HEATR5B: variants seen among roughly 807,000 people sequenced by gnomAD.
HEATR5B encodes the protein HEAT repeat containing 5B, also known as HEAT repeat-containing protein 5B.
HEATR5B carries 156 observed loss-of-function variants against 224.1 expected under a neutral mutation model. That is an observed-to-expected ratio of 0.70 (90% CI 0.61 to 0.80). The LOEUF (loss-of-function observed/expected upper bound fraction) is 0.80, where lower values mean the gene tolerates loss of function less well. HEATR5B is among the 30% of genes least tolerant of loss of function. The pLI, the probability that HEATR5B is intolerant of heterozygous loss-of-function variation, is 0.00. For missense variants in HEATR5B, 2,323 were observed against 2,535.5 expected (o/e 0.92, Z 1.80); for synonymous variants, 1,027 against 893.0 (o/e 1.15, Z -2.68).
At chr2:37,037,220 A>G (rs1391625211) in intron 21 of HEATR5B, among the ~76,000 whole-genome samples, 1 of 145,160 alleles carries the variant, frequency 6.9e-6, no homozygotes, top group Non-Finnish European at 1.5e-5. Context: ...ATCTCGGCTC[A>G]CTGCAACCTC....
intron 7 of HEATR5B, among the ~76,000 whole-genome samples, chr2:37,069,522 T>C (rs1029278222): frequency 2.0e-5 from 3 of 152,208 alleles, no homozygotes; most frequent in Non-Finnish European, 4.4e-5. Flanking sequence ...GATTAAACAC[T>C]GATAGAAAAT....
At position 37,059,462 on chromosome 2, in the gene HEATR5B, A is replaced by ATT. The variant is rs1287761202; in HGVS notation, c.1850-476_1850-475insAA. On this transcript the variant is annotated intron_variant, in intron 12 of 35. Transcript: ENST00000233099. ...TGTGTGTGTGTATATATATATATATATATTTTTTTTTTTTTTTTTTTGAGA... is the reference window on the plus strand; with the variant it reads ...TGTGTGTGTGTATATATATATATATATTTATTTTTTTTTTTTTTTTTTTGAGA... 3.1e-3 allele frequency among the ~76,000 whole-genome samples: 289 copies of ATT among 93,882 alleles called. 20 individuals are homozygous for ATT. Among genetic ancestry groups the ATT allele is most frequent in the Admixed American group, 6.7e-3 (49 of 7,350 alleles). 61.6% of individuals were successfully genotyped at this position (93,882 alleles called of 152,430 possible). A position where few individuals can be genotyped will look rare whatever the true frequency, so the allele number is the denominator to read the frequency against.
intron 33 of HEATR5B, among the ~76,000 whole-genome samples, chr2:36,993,770 A>G (rs1480958066): frequency 2.0e-5 from 3 of 152,180 alleles, no homozygotes; most frequent in Admixed American, 6.5e-5. Context: ...GTGCTAAGAT[A>G]TAACATTACT....
In HEATR5B at chr2:37,024,832, T is replaced by G. The variant is rs183667403; in HGVS notation, c.3853+3091A>C. 3.3e-5 allele frequency among the ~76,000 whole-genome samples: 5 copies of G among 152,302 alleles called. No individual in the cohort carries two copies. The East Asian group carries it at 9.6e-4, about 29-fold the overall frequency. On this transcript the variant is annotated intron_variant, in intron 24 of 35. Coordinates refer to ENST00000233099, the MANE Select transcript of HEATR5B (RefSeq NM_019024.3). Reference sequence around the variant, plus strand: ...TGTTTCTGGAACGAGAGCGCCACTTTCCCCAACAACCAGAGTGCTGCTGCT... The same window carrying G: ...TGTTTCTGGAACGAGAGCGCCACTTGCCCCAACAACCAGAGTGCTGCTGCT...
At chr2:36,998,449 G>C (rs1354856369) in intron 33 of HEATR5B, among the ~76,000 whole-genome samples, 5 of 152,210 alleles carry the variant, frequency 3.3e-5, no homozygotes, top group Admixed American at 3.3e-4. Context: ...CTGCTGGTGA[G>C]AGCGTAAATT....
rs562802710 is a variant in HEATR5B, at chr2:37,027,897, G to C, written c.3853+26C>G. ...GTCTCAAGGTGTAAAAATGCTTTGG[G>C]GAAAAAGTACTGATTTTAAATTTAC... On this transcript the variant is annotated intron_variant, in intron 24 of 35. Coordinates refer to ENST00000233099, the MANE Select transcript of HEATR5B (RefSeq NM_019024.3). 22 of 1,605,640 alleles carry C rather than the reference G, an allele frequency of 1.4e-5. No individual in the cohort carries two copies. The South Asian group carries it at 2.3e-4, about 17-fold the overall frequency.
chr2:37,034,993 C>G (rs926014358), intron 21 of HEATR5B, among the ~76,000 whole-genome samples: 3 of 152,206 alleles, frequency 2.0e-5, no homozygotes, highest in African/African-American at 7.2e-5. Flanking sequence ...CTTGAAGTTT[C>G]TGCCTTTTTA....
chr2:37,063,664 A>C (rs1357693197), intron 10 of HEATR5B, among the ~76,000 whole-genome samples: 1 of 152,198 alleles, frequency 6.6e-6, no homozygotes, highest in African/African-American at 2.4e-5. Flanking sequence ...TGTCCCAGAA[A>C]AAAAATCAAA....
intron 5 of HEATR5B, among the ~76,000 whole-genome samples, chr2:37,073,512 G>T (rs940233225): frequency 6.6e-6 from 1 of 152,102 alleles, no homozygotes; most frequent in African/African-American, 2.4e-5. Flanking sequence ...CCAAAGTGCT[G>T]GGATTACAGG....
chr2:37,062,920 T>C (rs936888461), intron 10 of HEATR5B, among the ~76,000 whole-genome samples: 11 of 152,202 alleles, frequency 7.2e-5, no homozygotes, highest in Middle Eastern at 3.2e-3. Flanking sequence ...CCTGAGTAGG[T>C]AGGACTACAA....
At chr2:37,070,863 C>A (rs1214447057) in intron 6 of HEATR5B, among the ~76,000 whole-genome samples, 1 of 152,198 alleles carries the variant, frequency 6.6e-6, no homozygotes, top group African/African-American at 2.4e-5. Context: ...CATATAGTAG[C>A]AAATGCAATC....
chr2:37,082,539 A>G (rs149078094), intron 2 of HEATR5B, among the ~76,000 whole-genome samples: 1 of 152,338 alleles, frequency 6.6e-6, no homozygotes, highest in African/African-American at 2.4e-5. Context: ...GGCAAGGAAC[A>G]CCTGGCCTGA....
chr2:36,991,486 A>C lies in HEATR5B; in HGVS notation c.5546-687T>G, dbSNP rs546385978. Among the ~76,000 whole-genome samples, 9 of 138,898 alleles carry C rather than the reference A, an allele frequency of 6.5e-5. No homozygotes were observed. The South Asian group carries it at 2.1e-3, about 33-fold the overall frequency. The allele number at this position is 138,898 out of a possible 152,430, so 91.1% of individuals were successfully genotyped here. A position where few individuals can be genotyped will look rare whatever the true frequency, so the allele number is the denominator to read the frequency against. On this transcript the variant is annotated intron_variant, in intron 33 of 35. Transcript: ENST00000233099. ...CTCCAGCCTGGGCAACAAAAGCGAA[A>C]CTCTGTCTCAAAAAAAAAAAAAAAA...
At chr2:37,062,548 G>C (rs2148564516) in intron 10 of HEATR5B, among the ~76,000 whole-genome samples, 1 of 152,328 alleles carries the variant, frequency 6.6e-6, no homozygotes, top group Admixed American at 6.5e-5. Flanking sequence ...CAGTGTAGTA[G>C]TTAAGGACAA....
chr2:37,067,928 C>T (rs1671682690), intron 8 of HEATR5B, among the ~76,000 whole-genome samples: 2 of 151,914 alleles, frequency 1.3e-5, no homozygotes, highest in Admixed American at 1.3e-4. Flanking sequence ...TTCATTAAAT[C>T]CTTATTTCAA....
chr2:37,029,141 G>A (rs1425389828), intron 22 of HEATR5B, among the ~76,000 whole-genome samples: 2 of 152,124 alleles, frequency 1.3e-5, no homozygotes, highest in African/African-American at 2.4e-5. Context: ...ATTATTCTGA[G>A]ATATTGTAAA....
At chr2:37,049,147 T>G (rs1409036462) in intron 18 of HEATR5B, among the ~76,000 whole-genome samples, 3 of 152,198 alleles carry the variant, frequency 2.0e-5, no homozygotes, top group Non-Finnish European at 4.4e-5. Context: ...TGATACTTAT[T>G]TGGGTCTCTG....
intron 27 of HEATR5B, among the ~76,000 whole-genome samples, chr2:37,012,695 C>T (rs766060202): frequency 5.3e-5 from 8 of 152,160 alleles, no homozygotes; most frequent in South Asian, 4.1e-4. Context: ...TGGCCTAGGG[C>T]GCAGTTTTAG....
At chr2:37,029,822 C>T (rs910368920) in intron 22 of HEATR5B, among the ~76,000 whole-genome samples, 1 of 151,742 alleles carries the variant, frequency 6.6e-6, no homozygotes, top group Admixed American at 6.6e-5. Context: ...GCCTGTAATT[C>T]GAGCCACTCG....
Sources: allele counts gnomAD v4.1 joint callset (sites outside exome capture counted in the v4.1 genomes callset), GRCh38; gene constraint gnomAD v4.1.1; transcripts MANE v1.5; gene names NCBI Gene and HGNC (gene_info 2026-07-23, HGNC 2026-07-21).